The following NTN4 variants were observed in gnomAD, a reference collection of about 807,000 sequenced individuals.
The protein encoded by NTN4 is netrin-4.
NTN4 carries 32 observed loss-of-function variants against 73.6 expected under a neutral mutation model. That is an observed-to-expected ratio of 0.44 (90% CI 0.33 to 0.58). The LOEUF is 0.58. Ranked by LOEUF, NTN4 falls within the 20% of genes least tolerant of loss-of-function variation. The pLI is 0.04. For synonymous variants in NTN4, 258 were observed against 287.5 expected (o/e 0.90, Z 1.04); for missense variants, 654 against 798.3 (o/e 0.82, Z 2.18).
intron 2 of NTN4, among the ~76,000 whole-genome samples, chr12:95,750,775 C>T (rs1310650067): frequency 6.6e-6 from 1 of 152,280 alleles, no homozygotes; most frequent in South Asian, 2.1e-4. Context: ...GGCTGCTCCT[C>T]GCCAGGCCGA....
At chr12:95,758,687 C>T (rs2078963825) in intron 2 of NTN4, among the ~76,000 whole-genome samples, 1 of 152,084 alleles carries the variant, frequency 6.6e-6, no homozygotes, top group African/African-American at 2.4e-5. Context: ...ACCTCAGGCT[C>T]CTGAATAACT....
At chr12:95,762,122 T>C (rs2078993208) in intron 2 of NTN4, among the ~76,000 whole-genome samples, 1 of 152,358 alleles carries the variant, frequency 6.6e-6, no homozygotes, top group African/African-American at 2.4e-5. Context: ...GTTGAACATG[T>C]GTGTGCCTAC....
chr12:95,755,135 C>T (rs2078939172), intron 2 of NTN4, among the ~76,000 whole-genome samples: 1 of 152,188 alleles, frequency 6.6e-6, no homozygotes. Flanking sequence ...ATGTAATTCG[C>T]AGACTAGTTT....
At chr12:95,735,221 G>C (rs1410890100) in intron 3 of NTN4, among the ~76,000 whole-genome samples, 3 of 149,152 alleles carry the variant, frequency 2.0e-5, no homozygotes, top group Admixed American at 1.3e-4. Flanking sequence ...TGGTCCAATT[G>C]CTTATGGGTT....
At chr12:95,707,872 G>C (rs1209072865) in intron 5 of NTN4, among the ~76,000 whole-genome samples, 3 of 152,276 alleles carry the variant, frequency 2.0e-5, no homozygotes, top group Admixed American at 6.5e-5. Context: ...ATCCAAGTTA[G>C]TGACAAATTA....
intron 9 of NTN4, chr12:95,663,532 G>A (rs2078154691): frequency 6.6e-6 from 1 of 152,220 alleles, no homozygotes; most frequent in South Asian, 2.1e-4. Flanking sequence ...AATATGCAGG[G>A]ATACCCAATA....
At chr12:95,660,176 G>C (rs2078125929) in intron 9 of NTN4, among the ~76,000 whole-genome samples, 1 of 152,030 alleles carries the variant, frequency 6.6e-6, no homozygotes, top group Admixed American at 6.6e-5. Context: ...ACCATGCCTG[G>C]CTAATTTTTG....
intron 7 of NTN4, chr12:95,672,552 G>A (rs2078241151): frequency 6.5e-7 from 1 of 1,527,354 alleles, no homozygotes; most frequent in Non-Finnish European, 9.0e-7. Flanking sequence ...CCTGTAATGA[G>A]GACTTGGCGC....
At chr12:95,683,306 C>A (rs913055776) in intron 6 of NTN4, among the ~76,000 whole-genome samples, 192 bp downstream of exon 6, 1 of 152,210 alleles carries the variant, frequency 6.6e-6, no homozygotes, top group African/African-American at 2.4e-5. Flanking sequence ...AGGTGATCCA[C>A]CCGCCTCAGC....
chr12:95,686,856 A>G (rs1477677119), intron 5 of NTN4, among the ~76,000 whole-genome samples: 1 of 152,230 alleles, frequency 6.6e-6, no homozygotes, highest in Non-Finnish European at 1.5e-5. Flanking sequence ...TCTTTTTAAA[A>G]TAAATTTTTC....
intron 4 of NTN4, among the ~76,000 whole-genome samples, chr12:95,711,279 C>A (rs1382738376): frequency 6.6e-6 from 1 of 151,606 alleles, no homozygotes; most frequent in African/African-American, 2.4e-5. Context: ...TCTAGTTGGG[C>A]AGAGATATTA....
chr12:95,720,924 C>T (rs1157078452), intron 3 of NTN4, among the ~76,000 whole-genome samples: 1 of 152,180 alleles, frequency 6.6e-6, no homozygotes, highest in Non-Finnish European at 1.5e-5. Context: ...AACTCAATTC[C>T]TTTACACGAA....
intron 7 of NTN4, chr12:95,672,582 G>C: frequency 2.6e-6 from 4 of 1,524,364 alleles, no homozygotes; most frequent in South Asian, 1.1e-5. Flanking sequence ...CGGCACTATG[G>C]GGGTCTGACC....
chr12:95,659,354 G>T, intron 9 of NTN4, 132 bp from the exon 10 acceptor site: 1 of 613,988 alleles, frequency 1.6e-6, no homozygotes, highest in Non-Finnish European at 2.7e-6. Flanking sequence ...GGAGTGTAGT[G>T]GCATAATCCT....
intron 2 of NTN4, among the ~76,000 whole-genome samples, chr12:95,746,480 G>A (rs765303446): frequency 2.6e-5 from 4 of 152,074 alleles, no homozygotes; most frequent in South Asian, 4.2e-4. Flanking sequence ...TCTCTTGGCC[G>A]CCGGCTAAAT....
At chr12:95,744,833 C>CTTTT (rs59086846) in intron 2 of NTN4, among the ~76,000 whole-genome samples, 1 of 118,258 alleles carries the variant, frequency 8.5e-6, no homozygotes. Context: ...TGGTGAAAAA[C>CTTTT]TTTTTTTTTT....
Position 95,659,068 on chromosome 12 carries a change from G to C in NTN4, c.*18C>G, listed in dbSNP as rs767983127. 1 of 1,603,352 alleles carries C rather than the reference G, an allele frequency of 6.2e-7. No homozygotes were observed. Among genetic ancestry groups the C allele is most frequent in the Non-Finnish European group, 8.5e-7 (1 of 1,176,494 alleles). On this transcript the variant is annotated 3_prime_UTR_variant, in exon 10 of 10. Transcript: ENST00000343702. ...TTTGTACATAGACAAGTGCCATTAT[G>C]TGCTATCCATCTTAATGCTACTTGC...
intron 4 of NTN4, among the ~76,000 whole-genome samples, chr12:95,712,787 C>CTTTTTTTTTTTTTTTTTTTTTTTT (rs35614636): frequency 1.9e-5 from 2 of 105,734 alleles, no homozygotes; most frequent in Non-Finnish European, 3.6e-5. Flanking sequence ...TTCTTTCTTT[C>CTTTTTTTTTTTTTTTTTTTTTTTT]TTTTTTTTTT....
chr12:95,769,485 G>GC (rs1252128622), intron 2 of NTN4, among the ~76,000 whole-genome samples: 1 of 148,670 alleles, frequency 6.7e-6, no homozygotes, highest in Non-Finnish European at 1.5e-5. Flanking sequence ...GAGTTGGGCA[G>GC]CCCCCGGAAT....
Sources: allele counts gnomAD v4.1 joint callset (sites outside exome capture counted in the v4.1 genomes callset), GRCh38; gene constraint gnomAD v4.1.1; transcripts MANE v1.5; gene names NCBI Gene and HGNC (gene_info 2026-07-23, HGNC 2026-07-21).